ESRRB: variants seen among roughly 807,000 people sequenced by gnomAD.
The protein encoded by ESRRB is steroid hormone receptor ERR2.
Under a neutral mutation model 46.0 loss-of-function variants are expected in ESRRB, and 16 were observed. The observed-to-expected ratio is 0.35, with a 90% CI of 0.24 to 0.53. The LOEUF (loss-of-function observed/expected upper bound fraction) is 0.53. Ranked by LOEUF, ESRRB falls within the 20% of genes least tolerant of loss-of-function variation. ESRRB has a pLI of 0.93. For missense variants in ESRRB, 488 were observed against 607.4 expected, an observed-to-expected ratio of 0.80 and a Z score of 2.07; for synonymous variants, 246 against 259.6, an observed-to-expected ratio of 0.95 and a Z score of 0.50.
At chr14:76,418,364 T>C (rs888786489) in intron 1 of ESRRB, among the ~76,000 whole-genome samples, 1 of 152,234 alleles carries the variant, frequency 6.6e-6, no homozygotes, top group Admixed American at 6.5e-5. Flanking sequence ...GTTTTCACTT[T>C]TGTTAGCTTC....
rs976657167 is a variant in ESRRB at position 76,498,287 on chromosome 14, C to T, written c.1194C>T (p.Tyr398=). Reference sequence around the variant, plus strand: ...TGCTGCACGAGGCACTGCAGGACTACGAGCTGAGCCAGCGCCATGAGGAGC... The same window carrying T: ...TGCTGCACGAGGCACTGCAGGACTATGAGCTGAGCCAGCGCCATGAGGAGC... The part of the protein sequence containing the change: ...QDLLHEALQD[Y]ELSQRHEEPW... Residue 398 remains tyrosine, a synonymous_variant, in exon 7 of 7, where the codon TAC becomes TAT. Coordinates refer to ENST00000644823, the MANE Select transcript of ESRRB (RefSeq NM_001379180.1). The T allele has an allele frequency of 2.4e-5, 39 of 1,613,616 alleles. No homozygotes were observed. Among genetic ancestry groups the T allele is most frequent in the African/African-American group, 4.0e-5 (3 of 74,942 alleles).
intron 1 of ESRRB, chr14:76,407,712 C>T: frequency 2.1e-6 from 1 of 486,346 alleles, no homozygotes; most frequent in Non-Finnish European, 2.7e-6. Flanking sequence ...GGTCTGGGTG[C>T]CTCTAGGAGG....
chr14:76,459,402 T>C (rs911335130), intron 2 of ESRRB, among the ~76,000 whole-genome samples: 1 of 152,118 alleles, frequency 6.6e-6, no homozygotes, highest in African/African-American at 2.4e-5. Flanking sequence ...CGCCTCCCCA[T>C]GTGGGACCTG....
At chr14:76,396,652 G>A (rs1209352165) in intron 1 of ESRRB, among the ~76,000 whole-genome samples, 1 of 152,218 alleles carries the variant, frequency 6.6e-6, no homozygotes, top group East Asian at 1.9e-4. Context: ...ACCAGGTTCT[G>A]TCCCTGCTCC....
intron 1 of ESRRB, among the ~76,000 whole-genome samples, chr14:76,424,437 A>C (rs1171941103): frequency 6.6e-6 from 1 of 152,148 alleles, no homozygotes; most frequent in East Asian, 1.9e-4. Flanking sequence ...CCTGGTGTGC[A>C]CAAGGCTATG....
intron 2 of ESRRB, among the ~76,000 whole-genome samples, chr14:76,445,998 T>C (rs187865923): frequency 1.7e-3 from 264 of 152,344 alleles, no homozygotes; most frequent in African/African-American, 6.1e-3. Flanking sequence ...CCAATCTTTA[T>C]TGAGCCCTCA....
chr14:76,333,461 TA>T (rs1884087823), intron 1 of ESRRB, among the ~76,000 whole-genome samples: 1 of 133,102 alleles, frequency 7.5e-6, no homozygotes, highest in Non-Finnish European at 1.6e-5. Flanking sequence ...ATATCATATA[TA>T]AATATATCAT....
At chr14:76,460,297 T>A (rs1343390621) in intron 2 of ESRRB, among the ~76,000 whole-genome samples, 1 of 151,338 alleles carries the variant, frequency 6.6e-6, no homozygotes. Flanking sequence ...ATCCTCCTTG[T>A]GAGATACAGG....
intron 1 of ESRRB, among the ~76,000 whole-genome samples, chr14:76,332,616 TATATAAA>T (rs1884032959): frequency 1.2e-4 from 5 of 41,424 alleles, no homozygotes; most frequent in East Asian, 6.5e-4. Context: ...ATTTATATAT[TATATAAA>T]TATATATTAT....
At chr14:76,440,130 T>TA (rs1364301769) in intron 2 of ESRRB, among the ~76,000 whole-genome samples, 3 of 152,160 alleles carry the variant, frequency 2.0e-5, no homozygotes, top group Non-Finnish European at 4.4e-5. Context: ...ATTCCAGACT[T>TA]ACGGGACATA....
intron 1 of ESRRB, among the ~76,000 whole-genome samples, chr14:76,393,956 A>G (rs1885567810): frequency 1.4e-5 from 2 of 145,284 alleles, no homozygotes; most frequent in Admixed American, 1.4e-4. Flanking sequence ...ATGCACCAAC[A>G]TGCCTGGCTA....
intron 6 of ESRRB, among the ~76,000 whole-genome samples, chr14:76,494,395 C>T (rs953095447): frequency 6.6e-6 from 1 of 151,810 alleles, no homozygotes; most frequent in Non-Finnish European, 1.5e-5. Context: ...CAACCTCCGC[C>T]TCCTGGGTTC....
intron 1 of ESRRB, among the ~76,000 whole-genome samples, chr14:76,311,901 T>C (rs1883739947): frequency 6.6e-6 from 1 of 151,118 alleles, no homozygotes; most frequent in Non-Finnish European, 1.5e-5. Context: ...TATTGAATAG[T>C]ATTCACCCGA....
At chr14:76,332,695 T>TA (rs1228122074) in intron 1 of ESRRB, among the ~76,000 whole-genome samples, 11 of 25,144 alleles carry the variant, frequency 4.4e-4, no homozygotes, top group Non-Finnish European at 6.8e-4. Context: ...ATTTATATAT[T>TA]TATATATTAT....
At chr14:76,468,651 T>C (rs991228445) in intron 3 of ESRRB, among the ~76,000 whole-genome samples, 1 of 152,118 alleles carries the variant, frequency 6.6e-6, no homozygotes, top group Non-Finnish European at 1.5e-5. Context: ...TATCGACTCC[T>C]TGGGCCAGTT....
At chr14:76,321,544 C>T (rs1027221533) in intron 1 of ESRRB, among the ~76,000 whole-genome samples, 1 of 152,174 alleles carries the variant, frequency 6.6e-6, no homozygotes, top group Non-Finnish European at 1.5e-5. Flanking sequence ...GTACCCTTAC[C>T]CGATACCTAA....
upstream of ESRRB, among the ~76,000 whole-genome samples, chr14:76,366,419 G>C (rs1884523020): frequency 6.6e-6 from 1 of 152,164 alleles, no homozygotes; most frequent in Non-Finnish European, 1.5e-5. Flanking sequence ...TTCAACAATG[G>C]GAGAACAAGT....
At chr14:76,453,121 G>A (rs967865196) in intron 2 of ESRRB, among the ~76,000 whole-genome samples, 8 of 152,232 alleles carry the variant, frequency 5.3e-5, no homozygotes, top group African/African-American at 1.9e-4. Context: ...CTTCATTCAA[G>A]CTCAAATTTG....
chr14:76,441,993 G>A (rs1385403901), intron 2 of ESRRB, among the ~76,000 whole-genome samples: 1 of 152,190 alleles, frequency 6.6e-6, no homozygotes, highest in Non-Finnish European at 1.5e-5. Context: ...TCTTCAGATG[G>A]CAATCTATTT....
Sources: allele counts gnomAD v4.1 joint callset (sites outside exome capture counted in the v4.1 genomes callset), GRCh38; gene constraint gnomAD v4.1.1; transcripts MANE v1.5; gene names NCBI Gene and HGNC (gene_info 2026-07-23, HGNC 2026-07-21).